Variants in HRG observed in about 807,000 individuals in gnomAD.
HRG encodes the protein histidine rich glycoprotein.
HRG carries 26 observed loss-of-function variants against 29.5 expected under a neutral mutation model. That is an observed-to-expected ratio of 0.88 (90% confidence interval 0.65 to 1.22). The LOEUF is 1.22. Ranked by LOEUF, HRG falls within the 50% of genes most tolerant of loss-of-function variation. The pLI is 0.00. For synonymous variants in HRG, 243 were observed against 240.4 expected (o/e 1.01, Z -0.10); for missense variants, 671 against 654.5 (o/e 1.03, Z -0.28).
rs771101454 is a variant in HRG, at chr3:186,677,228, A to T, written c.923A>T (p.His308Leu). Residue 308 changes from histidine (H) to leucine (L), a missense_variant, in exon 7 of 7, where the codon CAT becomes CTT. By Grantham distance (99) the His-to-Leu change is moderately conservative. Coordinates refer to ENST00000232003, the MANE Select transcript of HRG (RefSeq NM_000412.5). ...CCTCCAGATGAAAGAGATCACTCAC[A>T]TGGACCCCCACTTCCACAAGGCCCT... ...PPPPDERDHS[H>L]GPPLPQGPPP... The T allele has an allele frequency of 3.1e-6, 5 of 1,614,026 alleles. No homozygotes were observed. In the South Asian group the frequency reaches 4.4e-5, roughly 14 times the overall value.
chr3:186,669,775 C>G (rs1209185005), intron 2 of HRG, 163 bp from the exon 3 acceptor site: 2 of 672,236 alleles, frequency 3.0e-6, no homozygotes, highest in Non-Finnish European at 5.4e-6. Context: ...CACACAGAAA[C>G]TGACTAAGAA....
In HRG at chr3:186,677,894, C is replaced by A. The variant is rs971156591; in HGVS notation, c.*11C>A. On this transcript the variant is annotated 3_prime_UTR_variant, in exon 7 of 7. Transcript: ENST00000232003. Reference sequence around the variant, plus strand: ...ACATTTCCAAAATAAAATGTGATTCCTTTGAAGAGGAAAATGAATAATACA... The same window carrying A: ...ACATTTCCAAAATAAAATGTGATTCATTTGAAGAGGAAAATGAATAATACA... 2 of 1,607,114 alleles carry A rather than the reference C, an allele frequency of 1.2e-6. No individual in the cohort carries two copies. Among genetic ancestry groups the A allele is most frequent in the Admixed American group, 1.7e-5 (1 of 60,002 alleles).
chr3:186,672,381 A>T (rs1203611974), intron 4 of HRG, among the ~76,000 whole-genome samples: 1 of 152,246 alleles, frequency 6.6e-6, no homozygotes, highest in Non-Finnish European at 1.5e-5. Flanking sequence ...ATATTGGTAT[A>T]GGAAAATGCA....
At chr3:186,673,043 T>C in intron 5 of HRG, 176 bp downstream of exon 5, 1 of 677,974 alleles carries the variant, frequency 1.5e-6, no homozygotes, top group East Asian at 2.7e-5. Flanking sequence ...AAGTATCATC[T>C]GGGAAGCACT....
chr3:186,676,858 T>C (rs922255738), intron 6 of HRG, among the ~76,000 whole-genome samples, 189 bp from the exon 7 acceptor site: 8 of 152,090 alleles, frequency 5.3e-5, no homozygotes, highest in African/African-American at 1.9e-4. Flanking sequence ...TGGTGGTAAA[T>C]GATAGTTATT....
In HRG at chr3:186,677,235, CCCACTTCCA is replaced by C; in HGVS notation, c.932_940del (p.Pro311_Pro313del). 1 of 1,614,052 alleles carries C rather than the reference CCCACTTCCA, an allele frequency of 6.2e-7. No individual in the cohort carries two copies. The highest frequency in any genetic ancestry group is 1.1e-5 in the South Asian group (1 of 91,068). On this transcript the variant is annotated inframe_deletion, in exon 7 of 7. Coordinates refer to ENST00000232003, the MANE Select transcript of HRG (RefSeq NM_000412.5). ...ATGAAAGAGATCACTCACATGGACC[CCCACTTCCA>C]CAAGGCCCTCCTCCACTATTGCCCA... is the stretch of plus-strand genomic sequence containing the variant.
At chr3:186,676,978 T>A (rs1363805653) in intron 6 of HRG, 69 bp from the exon 7 acceptor site, 4 of 1,588,296 alleles carry the variant, frequency 2.5e-6, no homozygotes, top group East Asian at 2.2e-5. Context: ...TTGGTGTAAA[T>A]CAAGTCAAGT....
At chr3:186,675,753 C>T (rs965551936) in intron 6 of HRG, among the ~76,000 whole-genome samples, 5 of 151,280 alleles carry the variant, frequency 3.3e-5, no homozygotes, top group African/African-American at 4.9e-5. Flanking sequence ...ATTTGCTTCA[C>T]GAAATTTTTC....
chr3:186,677,131 C>G lies in HRG; in HGVS notation c.826C>G (p.Pro276Ala). 6.2e-7 allele frequency: 1 copy of G among 1,614,062 alleles called. No homozygotes were observed. ...GGHERSSTTK[P>A]PFKPHGSRDH... ...GCATGAGCGTTCTTCTACCACCAAG[C>G]CTCCATTCAAGCCCCATGGATCTAG... Residue 276 changes from proline (P) to alanine (A), a missense_variant, in exon 7 of 7, where the codon CCT (proline) becomes GCT (alanine). Pro to Ala is a conservative substitution (Grantham distance 27). Transcript: ENST00000232003.
chr3:186,670,216 G>A (rs145791512), intron 3 of HRG, among the ~76,000 whole-genome samples, 188 bp downstream of exon 3: 2 of 152,244 alleles, frequency 1.3e-5, no homozygotes, highest in Admixed American at 6.5e-5. Context: ...GAATAGAATT[G>A]AGACAAATTT....
chr3:186,676,585 C>A (rs574908224), intron 6 of HRG, among the ~76,000 whole-genome samples: 1 of 150,992 alleles, frequency 6.6e-6, no homozygotes, highest in Admixed American at 6.6e-5. Flanking sequence ...CATGGTGAAA[C>A]CTGTCTCTAC....
At chr3:186,676,178 A>G (rs1393283437) in intron 6 of HRG, among the ~76,000 whole-genome samples, 1 of 151,552 alleles carries the variant, frequency 6.6e-6, no homozygotes, top group African/African-American at 2.4e-5. Context: ...CTCTGTAGCT[A>G]TTTTTTAAAA....
rs145482557 is a variant in HRG, at chr3:186,677,186, A to C, written c.881A>C (p.Glu294Ala). 670 of 1,613,980 alleles carry C rather than the reference A, an allele frequency of 4.2e-4. 2 individuals carry two copies. The African/African-American group carries it at 5.9e-3, about 14-fold the overall frequency. The part of the protein sequence containing the change: ...RDHHHPHKPH[E>A]HGPPPPPDER... ...CATCATCATCCCCACAAGCCACACG[A>C]ACATGGACCCCCACCTCCTCCAGAT... Residue 294 changes from glutamate to alanine, a missense_variant, in exon 7 of 7, where the codon GAA (glutamate) becomes GCA (alanine). Physicochemically the swap from Glu to Ala is moderately radical, Grantham distance 107. Transcript: ENST00000232003.
chr3:186,674,596 GCA>G (rs1386928087), intron 5 of HRG: 7 of 230,280 alleles, frequency 3.0e-5, no homozygotes, highest in African/African-American at 1.6e-4. Flanking sequence ...TGTAGCCCTG[GCA>G]CTTGGGTGGA....
chr3:186,669,000 G>T lies in HRG; in HGVS notation c.249G>T (p.Arg83Ser). The T allele has an allele frequency of 6.2e-7, 1 of 1,612,334 alleles. No individual in the cohort carries two copies. Among genetic ancestry groups the T allele is most frequent in the South Asian group, 1.1e-5 (1 of 91,042 alleles). ...VQESDCSVLS[R>S]KYWNDCEPPD... ...AATCGGACTGTTCGGTCCTATCCAG[G>T]AAATACTGGAATGACTGTGAGCCAC... The change falls in exon 2 of 7, where the codon AGG becomes AGT. Residue 83 changes from arginine to serine, a missense_variant. Physicochemically the swap from Arg to Ser is moderately radical, Grantham distance 110. Transcript: ENST00000232003.
chr3:186,672,670 A>C (rs1213900760), intron 4 of HRG, 117 bp from the exon 5 acceptor site: 2 of 736,024 alleles, frequency 2.7e-6, no homozygotes, highest in Non-Finnish European at 5.0e-6. Flanking sequence ...AATGACACAT[A>C]CTGGTGATTT....
intron 1 of HRG, among the ~76,000 whole-genome samples, chr3:186,667,746 A>T (rs886872500): frequency 1.6e-4 from 24 of 152,034 alleles, no homozygotes; most frequent in African/African-American, 5.6e-4. Flanking sequence ...CATTGAATAT[A>T]AGCAGGTGGG....
chr3:186,676,165 G>A (rs1032304857), intron 6 of HRG, among the ~76,000 whole-genome samples: 7 of 151,756 alleles, frequency 4.6e-5, no homozygotes, highest in African/African-American at 1.5e-4. Flanking sequence ...CACCGTGCCC[G>A]GCCTCTGTAG....
At chr3:186,676,447 G>T (rs1287153155) in intron 6 of HRG, among the ~76,000 whole-genome samples, 1 of 151,766 alleles carries the variant, frequency 6.6e-6, no homozygotes, top group Non-Finnish European at 1.5e-5. Context: ...CTCTGATATT[G>T]TGTTTCTGGC....
Sources: gnomAD v4.1 joint callset for allele counts (sites outside exome capture counted in the v4.1 genomes callset) on GRCh38, gnomAD v4.1.1 for gene constraint, MANE v1.5 for transcripts, NCBI Gene and HGNC (gene_info 2026-07-23, HGNC 2026-07-21) for gene names.